Variants in NBAS observed in about 807,000 individuals in gnomAD.
The protein encoded by NBAS is NAG/BC035112 fusion.
NBAS carries 219 observed loss-of-function variants against 302.5 expected under a neutral mutation model. The observed-to-expected ratio is 0.72, with a 90% CI of 0.65 to 0.81. The LOEUF is 0.81. Ranked by LOEUF, NBAS falls within the 30% of genes least tolerant of loss-of-function variation. NBAS has a pLI of 0.00. For missense variants in NBAS, 2,932 were observed against 2,841.6 expected, an observed-to-expected ratio of 1.03 and a Z score of -0.72; for synonymous variants, 1,118 against 1,021.6, an observed-to-expected ratio of 1.09 and a Z score of -1.80.
the NBAS span, among the ~76,000 whole-genome samples, chr2:15,045,111 C>T: frequency 1.3e-5 from 2 of 152,174 alleles, no homozygotes; most frequent in Non-Finnish European, 2.9e-5. Flanking sequence ...TCATGTATTT[C>T]CCAACATTTC....
chr2:15,025,514 T>C, the NBAS span, among the ~76,000 whole-genome samples: 1 of 152,204 alleles, frequency 6.6e-6, no homozygotes, highest in Admixed American at 6.5e-5. Flanking sequence ...TCATTGGTAG[T>C]TCGATAGGAA....
At chr2:15,399,503 TCA>T (rs1676043146) in intron 26 of NBAS, among the ~76,000 whole-genome samples, 2 of 152,054 alleles carry the variant, frequency 1.3e-5, no homozygotes, top group African/African-American at 4.8e-5. Flanking sequence ...CCTACAGTTC[TCA>T]GAGACACACT....
intron 51 of NBAS, among the ~76,000 whole-genome samples, chr2:15,170,946 C>A (rs986724374): frequency 6.6e-6 from 1 of 152,184 alleles, no homozygotes; most frequent in African/African-American, 2.4e-5. Flanking sequence ...CCAAAGCACT[C>A]TCCAACACTG....
the NBAS span, among the ~76,000 whole-genome samples, chr2:14,840,915 T>A: frequency 6.6e-6 from 1 of 152,076 alleles, no homozygotes; most frequent in Non-Finnish European, 1.5e-5. Flanking sequence ...TGCAATCCAT[T>A]CATAACTCTG....
At chr2:15,044,846 G>A in the NBAS span, among the ~76,000 whole-genome samples, 1 of 152,192 alleles carries the variant, frequency 6.6e-6, no homozygotes, top group Non-Finnish European at 1.5e-5. Context: ...GCATCAGGAT[G>A]ATTCCCATAT....
At chr2:15,353,513 A>G (rs754736629) in intron 34 of NBAS, 40 bp downstream of exon 34, 4 of 1,611,938 alleles carry the variant, frequency 2.5e-6, no homozygotes, top group Non-Finnish European at 3.4e-6. Context: ...AACAACATGG[A>G]CGTCATACAG....
At chr2:15,383,905 A>G (rs1014900971) in intron 28 of NBAS, among the ~76,000 whole-genome samples, 13 of 152,268 alleles carry the variant, frequency 8.5e-5, no homozygotes, top group Middle Eastern at 3.4e-3. Context: ...GCACTCCAGG[A>G]GTTATCTTCT....
chr2:14,885,033 C>T, the NBAS span, among the ~76,000 whole-genome samples: 1,154 of 152,260 alleles, frequency 7.6e-3, 7 homozygotes, highest in Non-Finnish European at 0.013. Context: ...CTGTATAGGG[C>T]CTTGAAGACC....
At chr2:15,462,612 G>C (rs1679552678) in intron 19 of NBAS, among the ~76,000 whole-genome samples, 1 of 151,126 alleles carries the variant, frequency 6.6e-6, no homozygotes, top group Non-Finnish European at 1.5e-5. Flanking sequence ...ATGAGGAGAT[G>C]TGGAGGAGGT....
At chr2:15,287,246 A>G (rs995184091) in intron 41 of NBAS, 63 bp from the exon 42 acceptor site, 45 of 1,303,150 alleles carry the variant, frequency 3.5e-5, no homozygotes, top group Middle Eastern at 1.8e-4. Context: ...TCAATCAGCA[A>G]CGAAAATGCT....
chr2:15,496,856 C>T (rs564441538), intron 11 of NBAS, among the ~76,000 whole-genome samples: 30 of 152,204 alleles, frequency 2.0e-4, no homozygotes, highest in African/African-American at 7.2e-4. Flanking sequence ...AATAAATCTA[C>T]ATTACAAACT....
chr2:15,016,652 C>A, the NBAS span, among the ~76,000 whole-genome samples: 1 of 151,876 alleles, frequency 6.6e-6, no homozygotes, highest in East Asian at 1.9e-4. Context: ...CCACAAAAGA[C>A]CCTAAATAGC....
At chr2:14,779,462 C>T in the NBAS span, among the ~76,000 whole-genome samples, 1 of 152,146 alleles carries the variant, frequency 6.6e-6, no homozygotes, top group East Asian at 1.9e-4. Context: ...ACCTTGCTGA[C>T]CTCATTTCCT....
At chr2:15,200,820 G>A (rs1262664749) in intron 48 of NBAS, among the ~76,000 whole-genome samples, 1 of 152,160 alleles carries the variant, frequency 6.6e-6, no homozygotes, top group African/African-American at 2.4e-5. Context: ...ATCAGTAGAA[G>A]ACAGTCTTAA....
the NBAS span, among the ~76,000 whole-genome samples, chr2:14,833,611 C>G: frequency 6.6e-6 from 1 of 151,946 alleles, no homozygotes. Context: ...AATCAAAGAA[C>G]AGTAGGATAC....
At chr2:14,833,360 G>A in the NBAS span, among the ~76,000 whole-genome samples, 6 of 152,168 alleles carry the variant, frequency 3.9e-5, no homozygotes, top group Non-Finnish European at 5.9e-5. Flanking sequence ...TATAGATAAC[G>A]GATCAGAGAT....
the NBAS span, among the ~76,000 whole-genome samples, chr2:14,863,739 T>C: frequency 7.7e-4 from 118 of 152,334 alleles, no homozygotes; most frequent in African/African-American, 2.6e-3. Context: ...GAATTGGCTT[T>C]TAATACATGG....
At chr2:14,985,449 C>T in the NBAS span, among the ~76,000 whole-genome samples, 1 of 152,010 alleles carries the variant, frequency 6.6e-6, no homozygotes, top group African/African-American at 2.4e-5. Context: ...ACAGCAGAGA[C>T]GATAGGAAGT....
intron 45 of NBAS, among the ~76,000 whole-genome samples, chr2:15,237,153 G>A (rs1667631811): frequency 6.6e-6 from 1 of 152,064 alleles, no homozygotes; most frequent in South Asian, 2.1e-4. Flanking sequence ...TATAAGCACT[G>A]TTTTCACTTA....
Sources: allele counts gnomAD v4.1 joint callset (sites outside exome capture counted in the v4.1 genomes callset), GRCh38; gene constraint gnomAD v4.1.1; transcripts MANE v1.5; gene names NCBI Gene and HGNC (gene_info 2026-07-23, HGNC 2026-07-21).